Variants in C2CD2 observed in about 807,000 individuals in gnomAD.
The protein encoded by C2CD2 is C2 domain-containing protein 2.
C2CD2 carries 43 observed loss-of-function variants against 74.3 expected under a neutral mutation model. That is an observed-to-expected ratio of 0.58 (90% CI 0.45 to 0.75). The LOEUF (loss-of-function observed/expected upper bound fraction) is 0.75, where lower values mean the gene tolerates loss of function less well. C2CD2 is among the 30% of genes least tolerant of loss of function. The pLI is 0.00. For missense variants in C2CD2, 801 were observed against 916.3 expected (o/e 0.87, Z 1.63); for synonymous variants, 422 against 390.7 (o/e 1.08, Z -0.94).
At position 41,901,731 on chromosome 21, in the gene C2CD2, C is replaced by T; in HGVS notation, c.1451G>A (p.Gly484Asp). The T allele has an allele frequency of 6.2e-7, 1 of 1,614,018 alleles. No homozygotes were observed. Among genetic ancestry groups the T allele is most frequent in the Non-Finnish European group, 8.5e-7 (1 of 1,179,884 alleles). ...SSDTELLVLN[G>D]SDPVAEVAIR... ...GGCCACTTCAGCCACTGGATCCGAACCATTCAACACCAACAATTCTACCAG... is the reference window on the plus strand; with the variant it reads ...GGCCACTTCAGCCACTGGATCCGAATCATTCAACACCAACAATTCTACCAG... The change falls in exon 12 of 14, where the codon GGT (glycine) becomes GAT (aspartate). Residue 484 changes from glycine (G) to aspartate (D), a missense_variant. Gly to Asp is a moderately conservative substitution (Grantham distance 94, BLOSUM62 -1). Coordinates refer to ENST00000380486, the MANE Select transcript of C2CD2 (RefSeq NM_015500.2).
At chr21:41,891,224 C>T (rs370227501) in intron 13 of C2CD2, among the ~76,000 whole-genome samples, 69 of 152,086 alleles carry the variant, frequency 4.5e-4, no homozygotes, top group Admixed American at 1.0e-3. Flanking sequence ...ATGAAAAAGG[C>T]GGGTAAGTAG....
intron 10 of C2CD2, 112 bp from the exon 11 acceptor site, chr21:41,905,949 A>G: frequency 5.5e-6 from 4 of 722,290 alleles, no homozygotes; most frequent in Non-Finnish European, 1.0e-5. Flanking sequence ...GCAGTTGGTA[A>G]AGGCAAAGCT....
At chr21:41,902,793 CA>C (rs11284396) in intron 11 of C2CD2, among the ~76,000 whole-genome samples, 14,428 of 145,448 alleles carry the variant, frequency 0.099, 827 homozygotes, top group East Asian at 0.27. Context: ...GCACAGAGAA[CA>C]AAAAAAAAAA....
rs1384863102 is a variant in C2CD2 at position 41,899,967 on chromosome 21, C to T, written c.1561-605G>A. Among the ~76,000 whole-genome samples the T allele has an allele frequency of 2.0e-5, 3 of 151,994 alleles. No homozygotes were observed. The highest frequency in any genetic ancestry group is 4.4e-5 in the Non-Finnish European group (3 of 67,992). On this transcript the variant is annotated intron_variant, in intron 12 of 13. Coordinates refer to ENST00000380486, the MANE Select transcript of C2CD2 (RefSeq NM_015500.2). The surrounding 1 kb of genome is among the most constrained non-coding windows in gnomAD (Gnocchi z 4.4). ...TTGGGGAGGAGGGCATGGGGGCTCC[C>T]TGAGGGCCAGTCATGCTGTTCTTGG...
intron 2 of C2CD2, among the ~76,000 whole-genome samples, chr21:41,931,151 A>G (rs2065258092): frequency 6.6e-6 from 1 of 150,488 alleles, no homozygotes; most frequent in Non-Finnish European, 1.5e-5. Flanking sequence ...AGCCCCGGAG[A>G]AAAGTTTAAA....
In C2CD2 at chr21:41,942,319, A is replaced by G. The variant is rs940382142; in HGVS notation, c.280-74T>C. The stretch of plus-strand genomic sequence containing the variant: ...TCTTTTAAATTACATATCTGTTTAA[A>G]GTTCTGAAAAATTAAGAAAATGTAC... On this transcript the variant is annotated intron_variant, in intron 1 of 13. Coordinates refer to ENST00000380486, the MANE Select transcript of C2CD2 (RefSeq NM_015500.2). 20 of 1,190,786 alleles carry G rather than the reference A, an allele frequency of 1.7e-5. No homozygotes were observed. The African/African-American group carries it at 3.1e-4, about 18-fold the overall frequency. The allele number at this position is 1,190,786 out of a possible 1,614,324, so 73.8% of individuals were successfully genotyped here.
At chr21:41,941,702 G>C (rs994870568) in intron 2 of C2CD2, among the ~76,000 whole-genome samples, 7 of 152,098 alleles carry the variant, frequency 4.6e-5, no homozygotes, top group Admixed American at 3.9e-4. Context: ...ATCAGTTCTA[G>C]AACATTTCAT....
chr21:41,910,781 T>C (rs900088400), intron 7 of C2CD2, among the ~76,000 whole-genome samples: 1 of 152,252 alleles, frequency 6.6e-6, no homozygotes, highest in Non-Finnish European at 1.5e-5. Flanking sequence ...TTTAATACTT[T>C]GGTACTCAGC....
At chr21:41,946,558 G>A (rs945616561) in intron 1 of C2CD2, among the ~76,000 whole-genome samples, 6 of 152,142 alleles carry the variant, frequency 3.9e-5, no homozygotes, top group South Asian at 4.1e-4. Flanking sequence ...TGAGGCCTCC[G>A]CAGAAGCAGA....
At chr21:41,913,396 G>A (rs933546279) in intron 6 of C2CD2, among the ~76,000 whole-genome samples, 1 of 152,180 alleles carries the variant, frequency 6.6e-6, no homozygotes, top group Non-Finnish European at 1.5e-5. Context: ...CCACGCATTC[G>A]CTACTGAGCT....
At chr21:41,935,329 A>G (rs899619244) in intron 2 of C2CD2, among the ~76,000 whole-genome samples, 1 of 152,252 alleles carries the variant, frequency 6.6e-6, no homozygotes, top group African/African-American at 2.4e-5. Context: ...ACACCAACAC[A>G]TGAACAGAGC....
chr21:41,946,335 G>A (rs944255576), intron 1 of C2CD2, among the ~76,000 whole-genome samples: 5 of 152,206 alleles, frequency 3.3e-5, no homozygotes, highest in African/African-American at 1.2e-4. Flanking sequence ...AATCTCCAGT[G>A]TTACCAGATG....
intron 9 of C2CD2, 114 bp downstream of exon 9, chr21:41,907,546 G>A: frequency 2.6e-6 from 3 of 1,138,622 alleles, no homozygotes; most frequent in Non-Finnish European, 3.7e-6. Context: ...TCCTCTTGGA[G>A]GAGGTCTTAT....
rs1467132421 is a variant in C2CD2, at chr21:41,886,772, G to C, written c.*2352C>G. 6.6e-6 allele frequency: 1 copy of C among 152,126 alleles called. No homozygotes were observed. Among genetic ancestry groups the C allele is most frequent in the Non-Finnish European group, 1.5e-5 (1 of 68,078 alleles). 9.4% of individuals were successfully genotyped at this position (152,126 alleles called of 1,614,324 possible). Reference sequence around the variant, plus strand: ...GGCCAAGGTGGGTGGATCACCTGAGGTCAGGAGTTCGAGACCAGCCTGACC... The same window carrying C: ...GGCCAAGGTGGGTGGATCACCTGAGCTCAGGAGTTCGAGACCAGCCTGACC... On this transcript the variant is annotated 3_prime_UTR_variant, in exon 14 of 14. Transcript: ENST00000380486.
At chr21:41,935,982 A>G (rs1172530569) in intron 2 of C2CD2, among the ~76,000 whole-genome samples, 2 of 151,966 alleles carry the variant, frequency 1.3e-5, no homozygotes, top group African/African-American at 4.8e-5. Context: ...GAGACCAGAA[A>G]CTATAAAACT....
Position 41,926,442 on chromosome 21 carries a change from G to T in C2CD2, c.379-4357C>A. 1.0e-6 allele frequency: 1 copy of T among 972,918 alleles called. No homozygotes were observed. The highest frequency in any genetic ancestry group is 1.2e-6 in the Non-Finnish European group (1 of 818,536). The allele number at this position is 972,918 out of a possible 1,614,324, so 60.3% of individuals were successfully genotyped here. On this transcript the variant is annotated intron_variant, in intron 2 of 13. Coordinates refer to ENST00000380486, the MANE Select transcript of C2CD2 (RefSeq NM_015500.2). This position sits in a 1 kb window ranked among gnomAD's most constrained non-coding sequence, Gnocchi z 8.0. ...GGTTTGGGTCGGGGAGCCCTGGGCAGCAGATGGAAGCACCACGGGGAGGGG... is the reference window on the plus strand; with the variant it reads ...GGTTTGGGTCGGGGAGCCCTGGGCATCAGATGGAAGCACCACGGGGAGGGG...
Position 41,905,647 on chromosome 21 carries a change from A to G in C2CD2, c.1432+77T>C, listed in dbSNP as rs570422566. 29 of 778,188 alleles carry G rather than the reference A, an allele frequency of 3.7e-5. No homozygotes were observed. In the African/African-American group the frequency reaches 4.4e-4, roughly 12 times the overall value. 48.2% of individuals were successfully genotyped at this position (778,188 alleles called of 1,614,324 possible). ...ACAACTTTTTCCAAATTCTGAAAGG[A>G]AAATACTTCATATCAGAACAGCCCA... On this transcript the variant is annotated intron_variant, in intron 11 of 13. Transcript: ENST00000380486.
intron 2 of C2CD2, among the ~76,000 whole-genome samples, chr21:41,925,141 A>G (rs551047468): frequency 6.6e-6 from 1 of 152,248 alleles, no homozygotes; most frequent in Non-Finnish European, 1.5e-5. Context: ...TACAGTGCAG[A>G]CCAAGCCTTT....
At chr21:41,920,390 T>TA (rs1385609550) in intron 3 of C2CD2, among the ~76,000 whole-genome samples, 3 of 152,198 alleles carry the variant, frequency 2.0e-5, no homozygotes, top group African/African-American at 7.2e-5. Flanking sequence ...TCCCCACTCC[T>TA]AAACAAAAGG....
Sources: gnomAD v4.1 joint callset for allele counts (sites outside exome capture counted in the v4.1 genomes callset) on GRCh38, gnomAD v4.1.1 for gene constraint, Gnocchi (gnomAD v3.1) non-coding constraint, MANE v1.5 for transcripts, NCBI Gene and HGNC (gene_info 2026-07-23, HGNC 2026-07-21) for gene names.